Variants in FRAS1 observed in about 807,000 individuals in gnomAD.
The protein encoded by FRAS1 is Fraser extracellular matrix complex subunit 1, also known as extracellular matrix organizing protein FRAS1.
A neutral mutation model predicts 435.2 loss-of-function variants in FRAS1; 290 were observed. The observed-to-expected ratio is 0.67, with a 90% confidence interval of 0.61 to 0.73. FRAS1 has a LOEUF of 0.73. Among genes scored for constraint, FRAS1 ranks in the 30% least tolerant of loss-of-function variants. The pLI is 0.00. For missense variants in FRAS1, 4,860 were observed against 5,001.5 expected (o/e 0.97, Z 0.85); for synonymous variants, 1,800 against 1,851.0 (o/e 0.97, Z 0.71).
intron 2 of FRAS1, among the ~76,000 whole-genome samples, chr4:78,221,857 T>A (rs945895433): frequency 3.9e-5 from 6 of 152,180 alleles, no homozygotes; most frequent in African/African-American, 1.2e-4. Flanking sequence ...GGGCCAAAAA[T>A]GAATAAAGAC....
chr4:78,420,042 G>T (rs1733709847), intron 33 of FRAS1, among the ~76,000 whole-genome samples: 1 of 152,072 alleles, frequency 6.6e-6, no homozygotes, highest in Non-Finnish European at 1.5e-5. Context: ...TTTGGGTGGG[G>T]ACACAGATCC....
At chr4:78,069,586 C>T (rs111253854) in intron 2 of FRAS1, among the ~76,000 whole-genome samples, 3 of 151,776 alleles carry the variant, frequency 2.0e-5, no homozygotes, top group Non-Finnish European at 2.9e-5. Context: ...CTTATTGCCC[C>T]GATGTGAAAT....
chr4:78,137,529 A>G (rs1477158362), intron 2 of FRAS1, among the ~76,000 whole-genome samples: 2 of 152,186 alleles, frequency 1.3e-5, no homozygotes, highest in Non-Finnish European at 2.9e-5. Flanking sequence ...TTATTCATTT[A>G]TGAATGATAA....
chr4:78,445,395 T>C, intron 41 of FRAS1, 127 bp from the exon 42 acceptor site: 1 of 1,266,958 alleles, frequency 7.9e-7, no homozygotes, highest in Non-Finnish European at 1.0e-6. Flanking sequence ...CTTATCCCAC[T>C]CTCCCAACTT....
chr4:78,095,232 T>C (rs144481537), intron 2 of FRAS1, among the ~76,000 whole-genome samples: 1 of 152,332 alleles, frequency 6.6e-6, no homozygotes, highest in African/African-American at 2.4e-5. Flanking sequence ...GTTGGTTAGG[T>C]TTCATTCAAA....
chr4:78,384,057 A>G lies in FRAS1; in HGVS notation c.3564-2A>G, dbSNP rs768803925. 2.5e-6 allele frequency: 4 copies of G among 1,603,580 alleles called. No homozygotes were observed. Among genetic ancestry groups the G allele is most frequent in the Non-Finnish European group, 2.6e-6 (3 of 1,174,310 alleles). On this transcript the variant is annotated splice_acceptor_variant, in intron 27 of 73. Coordinates refer to ENST00000512123, the MANE Select transcript of FRAS1 (RefSeq NM_025074.7). LOFTEE classifies it high-confidence loss of function. The stretch of plus-strand genomic sequence containing the variant: ...TTATTCCTTTCTTTGGGACTTCTTT[A>G]GGAAAGGTTACCTTTTCCTGAAAAT...
At chr4:78,231,470 A>AATATTATAT (rs1343135685) in intron 2 of FRAS1, among the ~76,000 whole-genome samples, 3 of 152,008 alleles carry the variant, frequency 2.0e-5, no homozygotes, top group Non-Finnish European at 4.4e-5. Flanking sequence ...TTATTACAAA[A>AATATTATAT]ATATTATATC....
intron 56 of FRAS1, among the ~76,000 whole-genome samples, chr4:78,480,636 G>T (rs1186406806): frequency 1.3e-5 from 2 of 152,214 alleles, no homozygotes; most frequent in African/African-American, 2.4e-5. Flanking sequence ...TCTCATTCAT[G>T]TAAGAGCCCA....
chr4:78,440,266 T>C (rs957795280), intron 40 of FRAS1, among the ~76,000 whole-genome samples: 3 of 151,988 alleles, frequency 2.0e-5, no homozygotes, highest in Non-Finnish European at 4.4e-5. Flanking sequence ...TCTCCTGACC[T>C]CATGATCCAC....
At chr4:78,127,413 A>G (rs1462319136) in intron 2 of FRAS1, among the ~76,000 whole-genome samples, 3 of 152,194 alleles carry the variant, frequency 2.0e-5, no homozygotes, top group African/African-American at 7.2e-5. Flanking sequence ...GTGGGTTTAT[A>G]AAGATATCAG....
chr4:78,162,065 A>G (rs1302208300), intron 2 of FRAS1, among the ~76,000 whole-genome samples: 1 of 152,184 alleles, frequency 6.6e-6, no homozygotes, highest in Non-Finnish European at 1.5e-5. Context: ...AAGCATAAGT[A>G]TAAAATTGTG....
At chr4:78,180,474 T>C (rs1721950947) in intron 2 of FRAS1, among the ~76,000 whole-genome samples, 1 of 152,164 alleles carries the variant, frequency 6.6e-6, no homozygotes, top group Admixed American at 6.5e-5. Flanking sequence ...CAGTTTGTAA[T>C]TGGGGGAACT....
chr4:78,505,022 A>T (rs1208345575), intron 61 of FRAS1, among the ~76,000 whole-genome samples: 1 of 152,180 alleles, frequency 6.6e-6, no homozygotes, highest in Non-Finnish European at 1.5e-5. Context: ...GGTTTGAAAA[A>T]TTCTTTTCTT....
chr4:78,275,805 T>A (rs935489879), intron 9 of FRAS1, among the ~76,000 whole-genome samples: 2 of 152,226 alleles, frequency 1.3e-5, no homozygotes, highest in Admixed American at 6.5e-5. Context: ...GGGGTTGCTC[T>A]TCTTGAGGAG....
At chr4:78,275,400 T>C (rs953506146) in intron 9 of FRAS1, among the ~76,000 whole-genome samples, 1 of 152,210 alleles carries the variant, frequency 6.6e-6, no homozygotes, top group Non-Finnish European at 1.5e-5. Flanking sequence ...ATGCGGTTTC[T>C]TCCTAGCCTT....
At chr4:78,149,618 G>T (rs889133891) in intron 2 of FRAS1, among the ~76,000 whole-genome samples, 3 of 152,150 alleles carry the variant, frequency 2.0e-5, no homozygotes, top group African/African-American at 7.2e-5. Context: ...CTATTTTGGA[G>T]ATCTTTTTGC....
intron 4 of FRAS1, among the ~76,000 whole-genome samples, chr4:78,247,582 A>G (rs1045854886): frequency 6.6e-6 from 1 of 151,994 alleles, no homozygotes; most frequent in African/African-American, 2.4e-5. Context: ...TTAGTGCATT[A>G]ATTTTCTTGA....
intron 2 of FRAS1, among the ~76,000 whole-genome samples, chr4:78,091,019 G>C (rs1271993375): frequency 1.3e-5 from 2 of 152,304 alleles, no homozygotes; most frequent in African/African-American, 4.8e-5. Context: ...TTGGGTTTTA[G>C]AAGAAATTTT....
chr4:78,525,460 G>C (rs1442172277), intron 69 of FRAS1, among the ~76,000 whole-genome samples: 1 of 152,206 alleles, frequency 6.6e-6, no homozygotes, highest in Non-Finnish European at 1.5e-5. Context: ...GAGGCAAGCT[G>C]AGGTTCTACT....
Sources: allele counts gnomAD v4.1 joint callset (sites outside exome capture counted in the v4.1 genomes callset), GRCh38; gene constraint gnomAD v4.1.1; transcripts MANE v1.5; gene names NCBI Gene and HGNC (gene_info 2026-07-23, HGNC 2026-07-21).